Variants in LY75 observed in about 807,000 individuals in gnomAD.
LY75 encodes the protein lymphocyte antigen 75.
Under a neutral mutation model 231.7 loss-of-function variants are expected in LY75, and 185 were observed. That is an observed-to-expected ratio of 0.80 (90% CI 0.71 to 0.90). The LOEUF (loss-of-function observed/expected upper bound fraction) is 0.90. Ranked by LOEUF, LY75 falls within the 40% of genes least tolerant of loss-of-function variation. LY75 has a pLI of 0.00. For missense variants in LY75, 1,947 were observed against 2,050.2 expected, an observed-to-expected ratio of 0.95 and a Z score of 0.97; for synonymous variants, 668 against 689.0, an observed-to-expected ratio of 0.97 and a Z score of 0.48.
chr2:159,881,671 G>A (rs1685440018), intron 7 of LY75, among the ~76,000 whole-genome samples: 3 of 152,080 alleles, frequency 2.0e-5, no homozygotes, highest in Admixed American at 2.0e-4. Context: ...TCTATTCTAG[G>A]AAGAGATCAT....
chr2:159,865,817 G>A (rs1424514665), intron 13 of LY75, among the ~76,000 whole-genome samples: 1 of 151,810 alleles, frequency 6.6e-6, no homozygotes, highest in South Asian at 2.1e-4. Flanking sequence ...GCCTTCCAAG[G>A]AAGACTATCT....
intron 23 of LY75, among the ~76,000 whole-genome samples, chr2:159,848,093 T>TATACACACACACAC: frequency 1.1e-4 from 3 of 28,554 alleles, no homozygotes; most frequent in African/African-American, 4.1e-4. Context: ...TATATATATA[T>TATACACACACACAC]ACACACACAC....
At chr2:159,856,180 T>C (rs1684544838) in intron 16 of LY75, among the ~76,000 whole-genome samples, 1 of 152,196 alleles carries the variant, frequency 6.6e-6, no homozygotes, top group Non-Finnish European at 1.5e-5. Context: ...TGTATGTGTG[T>C]ACAAGGTATC....
chr2:159,901,969 C>T (rs3828326), intron 1 of LY75, among the ~76,000 whole-genome samples: 37,431 of 152,092 alleles, frequency 0.25, 4,886 homozygotes, highest in Admixed American at 0.38. Context: ...CTCAGTCTTA[C>T]GACCCTTATT....
intron 23 of LY75, among the ~76,000 whole-genome samples, chr2:159,843,191 A>G (rs1212245725): frequency 2.0e-5 from 3 of 152,106 alleles, no homozygotes; most frequent in Non-Finnish European, 4.4e-5. Flanking sequence ...AGAAAAAGGT[A>G]GAAATAGTAT....
rs750121519 is a variant in LY75, at chr2:159,831,727, G to T, written c.3901C>A (p.Gln1301Lys). 2.5e-6 allele frequency: 4 copies of T among 1,612,466 alleles called. No homozygotes were observed. In the African/African-American group the frequency reaches 4.0e-5, roughly 16 times the overall value. Residue 1301 changes from glutamine (Q) to lysine (K), a missense_variant, in exon 28 of 35, where the codon CAA becomes AAA. Gln to Lys is a moderately conservative substitution (Grantham distance 53, BLOSUM62 1). Transcript: ENST00000263636. ...DEKENNFVLE[Q>K]LLYFNYMASW... ...GCCATATAATTGAAGTACAGCAGTT[G>T]CTCAAGAACAAAGTTATTCTCCTTT...
Position 159,840,845 on chromosome 2 carries a change from A to G in LY75, c.3391T>C (p.Cys1131Arg). The change falls in exon 25 of 35, where the codon TGT becomes CGT. Residue 1131 changes from cysteine to arginine, a missense_variant. Cys to Arg is a radical substitution (Grantham distance 180). Coordinates refer to ENST00000263636, the MANE Select transcript of LY75 (RefSeq NM_002349.4). ...TLTWHSAKRE[C>R]LKSNMQLVSI... is the part of the protein sequence containing the mutation. Reference sequence around the variant, plus strand: ...ACCAGCTGCATGTTACTTTTCAGACACTCCCTTTTAGCACTGTGCCAAGTC... The same window carrying G: ...ACCAGCTGCATGTTACTTTTCAGACGCTCCCTTTTAGCACTGTGCCAAGTC... 1 of 1,613,752 alleles carries G rather than the reference A, an allele frequency of 6.2e-7. No homozygotes were observed. The highest frequency in any genetic ancestry group is 1.6e-4 in the Middle Eastern group (1 of 6,062).
Position 159,860,886 on chromosome 2 carries a change from A to C in LY75, c.2203T>G (p.Ser735Ala). ...SWQWSDRTPV[S>A]TIIMPNEFQQ... is the part of the protein sequence containing the mutation. ...AACTCATTTGGCATGATAATAGTAG[A>C]CACCTGAAAAGACAAGAGAGGCTTG... Residue 735 changes from serine (S) to alanine (A), a missense_variant, in exon 15 of 35, where the codon TCT becomes GCT. Transcript: ENST00000263636. The C allele has an allele frequency of 6.2e-7, 1 of 1,613,906 alleles. No individual in the cohort carries two copies. The highest frequency in any genetic ancestry group is 8.5e-7 in the Non-Finnish European group (1 of 1,179,846).
At chr2:159,863,248 A>G (rs1684766734) in intron 14 of LY75, among the ~76,000 whole-genome samples, 1 of 152,116 alleles carries the variant, frequency 6.6e-6, no homozygotes, top group Non-Finnish European at 1.5e-5. Flanking sequence ...CTTGGCTACC[A>G]TGAATAGTGC....
At chr2:159,821,948 C>T (rs1574529108) in intron 28 of LY75, among the ~76,000 whole-genome samples, 1 of 152,200 alleles carries the variant, frequency 6.6e-6, no homozygotes, top group Admixed American at 6.5e-5. Context: ...GGGGAATTTT[C>T]TCCCCTATCC....
At chr2:159,859,122 C>T (rs1260128900) in intron 15 of LY75, among the ~76,000 whole-genome samples, 6 of 152,206 alleles carry the variant, frequency 3.9e-5, no homozygotes, top group African/African-American at 1.4e-4. Context: ...TTTCAAATCT[C>T]TCCATACTTG....
intron 6 of LY75, 89 bp downstream of exon 6, chr2:159,885,064 A>G (rs1227430712): frequency 3.9e-6 from 6 of 1,529,582 alleles, no homozygotes; most frequent in Non-Finnish European, 5.3e-6. Context: ...GAAAGGTGGA[A>G]ACGGATGTTG....
chr2:159,864,623 T>C (rs1017539173), intron 14 of LY75, among the ~76,000 whole-genome samples: 2 of 152,198 alleles, frequency 1.3e-5, no homozygotes, highest in Non-Finnish European at 2.9e-5. Context: ...GCCAGTACCA[T>C]GCTGTTTTGG....
chr2:159,859,479 C>T (rs1210650328), intron 15 of LY75, among the ~76,000 whole-genome samples: 1 of 152,098 alleles, frequency 6.6e-6, no homozygotes, highest in African/African-American at 2.4e-5. Context: ...ACTTCTTGGC[C>T]CTTTTTTTAA....
rs1446075258 is a variant in LY75, at chr2:159,807,093, A to G, written c.4870T>C (p.Trp1624Arg). The part of the protein sequence containing the change: ...LDGSEVTFVK[W>R]ENKSKSGVGR... Reference sequence around the variant, plus strand: ...ACACCACTCTTACTTTTATTTTCCCATTTGACAAATGTCACTTCTGATCCA... The same window carrying G: ...ACACCACTCTTACTTTTATTTTCCCGTTTGACAAATGTCACTTCTGATCCA... Residue 1624 changes from tryptophan (W) to arginine (R), a missense_variant, in exon 34 of 35, where the codon TGG becomes CGG. Coordinates refer to ENST00000263636, the MANE Select transcript of LY75 (RefSeq NM_002349.4). 8.1e-6 allele frequency: 13 copies of G among 1,613,858 alleles called. No individual in the cohort carries two copies. In the Admixed American group the frequency reaches 1.7e-4, roughly 21 times the overall value.
At chr2:159,810,767 C>T (rs377078840) in intron 31 of LY75, 92 bp from the exon 32 acceptor site, 70 of 1,544,646 alleles carry the variant, frequency 4.5e-5, no homozygotes, top group South Asian at 2.3e-4. Flanking sequence ...GGAACTGTTG[C>T]GTTTGTGGTT....
chr2:159,843,762 T>C (rs11886785), intron 23 of LY75, among the ~76,000 whole-genome samples: 7,171 of 152,088 alleles, frequency 0.047, 516 homozygotes, highest in African/African-American at 0.16. Flanking sequence ...CAAAGAACAA[T>C]GTAGTGTATA....
intron 5 of LY75, among the ~76,000 whole-genome samples, chr2:159,885,542 A>G (rs886365189): frequency 2.0e-5 from 3 of 152,154 alleles, no homozygotes; most frequent in Non-Finnish European, 4.4e-5. Flanking sequence ...ACAAAAACCA[A>G]ACTTTTTCCT....
At chr2:159,812,465 G>C (rs1682989777) in intron 31 of LY75, 1 of 152,130 alleles carries the variant, frequency 6.6e-6, no homozygotes, top group Non-Finnish European at 1.5e-5. Flanking sequence ...AGGTTGGAAT[G>C]CAGTAGTGCA....
Sources: allele counts gnomAD v4.1 joint callset (sites outside exome capture counted in the v4.1 genomes callset), GRCh38; gene constraint gnomAD v4.1.1; transcripts MANE v1.5; gene names NCBI Gene and HGNC (gene_info 2026-07-23, HGNC 2026-07-21).